Variants in SGCZ observed in about 807,000 individuals in gnomAD.
The protein encoded by SGCZ is sarcoglycan zeta, also known as zeta-sarcoglycan.
In SGCZ, 40 loss-of-function variants were observed where a neutral mutation model predicts 41.3. The ratio of observed to expected loss-of-function variants is 0.97; its 90% confidence interval spans 0.75 to 1.26. SGCZ has a LOEUF of 1.26. SGCZ is among the 50% of genes most tolerant of loss of function. The pLI is 0.00. For missense variants in SGCZ, 552 were observed against 369.8 expected (o/e 1.49, Z -4.04); for synonymous variants, 206 against 137.5 (o/e 1.50, Z -3.49).
intron 1 of SGCZ, among the ~76,000 whole-genome samples, chr8:14,794,685 T>C (rs1466074833): frequency 6.6e-6 from 1 of 152,162 alleles, no homozygotes; most frequent in African/African-American, 2.4e-5. Context: ...GGGTCCAGAC[T>C]GAAAAGTTCC....
intron 4 of SGCZ, among the ~76,000 whole-genome samples, chr8:14,226,032 G>C (rs972450201): frequency 6.6e-6 from 1 of 151,972 alleles, no homozygotes; most frequent in Non-Finnish European, 1.5e-5. Flanking sequence ...TGGTATAAGT[G>C]ATATTCTAAT....
intron 3 of SGCZ, among the ~76,000 whole-genome samples, chr8:14,307,110 TTTAAC>T (rs1801374988): frequency 6.6e-6 from 1 of 152,164 alleles, no homozygotes; most frequent in African/African-American, 2.4e-5. Context: ...CTATAATAAC[TTTAAC>T]TTAAGTGATC....
intron 5 of SGCZ, among the ~76,000 whole-genome samples, chr8:14,147,372 G>A (rs1433463174): frequency 3.9e-5 from 6 of 152,036 alleles, no homozygotes; most frequent in African/African-American, 1.4e-4. Flanking sequence ...TATGGAAAAA[G>A]ATATTCCATG....
At chr8:14,551,551 AATATATATTAT>A (rs1803848362) in intron 2 of SGCZ, among the ~76,000 whole-genome samples, 2 of 25,954 alleles carry the variant, frequency 7.7e-5, no homozygotes, top group African/African-American at 1.7e-4. Flanking sequence ...TAATATATAT[AATATATATTAT>A]ATATATAATA....
At chr8:14,860,695 GGAAAGAAAGAAAGAGAAA>G (rs1191034079) in intron 1 of SGCZ, among the ~76,000 whole-genome samples, 5 of 98,638 alleles carry the variant, frequency 5.1e-5, no homozygotes, top group African/African-American at 2.6e-4. Flanking sequence ...AAAGAAAGAA[GGAAAGAAAGAAAGAGAAA>G]GAAAGAAAGA....
intron 2 of SGCZ, among the ~76,000 whole-genome samples, chr8:14,469,558 A>T (rs1801150218): frequency 6.6e-6 from 1 of 152,050 alleles, no homozygotes; most frequent in Non-Finnish European, 1.5e-5. Context: ...AAATCCTTGG[A>T]ATCTTTGAAG....
intron 3 of SGCZ, among the ~76,000 whole-genome samples, chr8:14,251,016 T>C (rs1799264116): frequency 6.6e-6 from 1 of 152,104 alleles, no homozygotes; most frequent in Non-Finnish European, 1.5e-5. Context: ...TCACCTGAGG[T>C]CAGGAGCTCA....
intron 1 of SGCZ, among the ~76,000 whole-genome samples, chr8:14,914,820 G>A (rs1799379473): frequency 6.6e-6 from 1 of 152,152 alleles, no homozygotes; most frequent in East Asian, 1.9e-4. Context: ...GAGCTACTGT[G>A]GGAAAGATTG....
Position 14,132,510 on chromosome 8 carries a change from C to T in SGCZ, c.548-24275G>A, listed in dbSNP as rs943996606. Among the ~76,000 whole-genome samples, 7 of 152,240 alleles carry T rather than the reference C, an allele frequency of 4.6e-5. No individual in the cohort carries two copies. In the Middle Eastern group the frequency reaches 0.01, roughly 222 times the overall value. The stretch of plus-strand genomic sequence containing the variant: ...CGTTACAGAAATCTTCTAAACAATA[C>T]GTTCTGTTTGTTTTATACTTTCTAT... On this transcript the variant is annotated intron_variant, in intron 5 of 7. Transcript: ENST00000382080.
At chr8:14,693,735 C>T (rs1808874916) in intron 1 of SGCZ, among the ~76,000 whole-genome samples, 1 of 151,614 alleles carries the variant, frequency 6.6e-6, no homozygotes, top group Non-Finnish European at 1.5e-5. Context: ...GGACTACAGG[C>T]GCCTGCCACC....
intron 1 of SGCZ, among the ~76,000 whole-genome samples, chr8:15,011,165 T>A (rs1201482236): frequency 6.6e-6 from 1 of 152,210 alleles, no homozygotes; most frequent in Non-Finnish European, 1.5e-5. Context: ...GAAATTTTGC[T>A]TAAATGTTTA....
At chr8:14,965,590 T>A (rs544079757) in intron 1 of SGCZ, among the ~76,000 whole-genome samples, 112 of 152,270 alleles carry the variant, frequency 7.4e-4, no homozygotes, top group African/African-American at 2.6e-3. Context: ...AACCAAAGGC[T>A]GTGAGCAATA....
chr8:14,635,809 T>A (rs919580154), intron 1 of SGCZ, among the ~76,000 whole-genome samples: 1 of 151,926 alleles, frequency 6.6e-6, no homozygotes, highest in Admixed American at 6.6e-5. Flanking sequence ...CAGACTGCTA[T>A]ACTGTAATTG....
chr8:14,614,387 T>TA (rs1317868151), intron 1 of SGCZ, among the ~76,000 whole-genome samples: 2 of 152,138 alleles, frequency 1.3e-5, no homozygotes, highest in Admixed American at 6.5e-5. Flanking sequence ...CAATACAGAA[T>TA]AAAAAAATGT....
At chr8:14,129,172 C>A (rs141057743) in intron 5 of SGCZ, among the ~76,000 whole-genome samples, 1 of 148,740 alleles carries the variant, frequency 6.7e-6, no homozygotes, top group Non-Finnish European at 1.5e-5. Context: ...CATGGTGAAA[C>A]CCCTCTCTAC....
chr8:14,530,792 G>A (rs971656357), intron 2 of SGCZ, among the ~76,000 whole-genome samples: 7 of 152,122 alleles, frequency 4.6e-5, no homozygotes, highest in African/African-American at 1.7e-4. Context: ...AGTCCGACAT[G>A]AGCCAAATAG....
intron 2 of SGCZ, among the ~76,000 whole-genome samples, chr8:14,531,657 C>G (rs1803136778): frequency 2.6e-5 from 4 of 152,014 alleles, no homozygotes. Flanking sequence ...TGAAGAGTAA[C>G]TTGATATATG....
chr8:14,864,578 A>C (rs1803862042), intron 1 of SGCZ, among the ~76,000 whole-genome samples: 1 of 152,180 alleles, frequency 6.6e-6, no homozygotes, highest in Non-Finnish European at 1.5e-5. Flanking sequence ...ATTAATAATA[A>C]GATTTAGATT....
At chr8:15,228,958 C>T (rs1801858669) in intron 1 of SGCZ, among the ~76,000 whole-genome samples, 1 of 152,132 alleles carries the variant, frequency 6.6e-6, no homozygotes, top group South Asian at 2.1e-4. Context: ...CTTTGGGAGG[C>T]CAAGGCGGGT....
Sources: allele counts gnomAD v4.1 joint callset (sites outside exome capture counted in the v4.1 genomes callset), GRCh38; gene constraint gnomAD v4.1.1; transcripts MANE v1.5; gene names NCBI Gene and HGNC (gene_info 2026-07-23, HGNC 2026-07-21).